Variants in CLOCK observed in about 807,000 individuals in gnomAD.
CLOCK encodes the protein circadian locomoter output cycles protein kaput.
Under a neutral mutation model 118.4 loss-of-function variants are expected in CLOCK, and 43 were observed. The ratio of observed to expected loss-of-function variants is 0.36; its 90% confidence interval spans 0.28 to 0.47. The LOEUF is 0.47. Among genes scored for constraint, CLOCK ranks in the 20% least tolerant of loss-of-function variants. The probability of loss-of-function intolerance (pLI) is 1.00; values close to 1 mark genes in which losing one functional copy is unlikely to be tolerated. For synonymous variants in CLOCK, 326 were observed against 339.2 expected, an observed-to-expected ratio of 0.96 and a Z score of 0.43; for missense variants, 846 against 999.9, an observed-to-expected ratio of 0.85 and a Z score of 2.08.
chr4:55,529,466 A>T (rs966666184), intron 1 of CLOCK, among the ~76,000 whole-genome samples: 1 of 152,194 alleles, frequency 6.6e-6, no homozygotes, highest in Non-Finnish European at 1.5e-5. Context: ...CACCCAGACC[A>T]AGACAAATAA....
intron 21 of CLOCK, among the ~76,000 whole-genome samples, chr4:55,441,046 C>T (rs2109670233): frequency 6.6e-6 from 1 of 152,322 alleles, no homozygotes; most frequent in Middle Eastern, 3.4e-3. Context: ...GTATTCATCA[C>T]CCCAAACAAT....
rs2109705809 is a variant in CLOCK at position 55,445,271 on chromosome 4, C to G, written c.1540-486G>C. Among the ~76,000 whole-genome samples the G allele has an allele frequency of 2.9e-5, 2 of 68,182 alleles. 1 individual carries two copies. The highest frequency in any genetic ancestry group is 1.3e-3 in the South Asian group (2 of 1,504). The allele number at this position is 68,182 out of a possible 152,430, so 44.7% of individuals were successfully genotyped here. ...GAAGGACATTTCTCACTTTTACATA[C>G]ACCTGCCCCGGCAGGTGGCTTTCCA... On this transcript the variant is annotated intron_variant, in intron 18 of 22. Coordinates refer to ENST00000513440, the MANE Select transcript of CLOCK (RefSeq NM_004898.4).
rs567167701 is a variant in CLOCK, at chr4:55,501,169, T to C, written c.-136+8743A>G. Among the ~76,000 whole-genome samples the C allele has an allele frequency of 1.5e-3, 233 of 152,296 alleles. 1 individual carries two copies. Among genetic ancestry groups the C allele is most frequent in the African/African-American group, 5.4e-3 (225 of 41,566 alleles). ...ACATCTGACCTCCAATGTTACTTAA[T>C]AGCTACAATTCTTCTAAAGATATGC... On this transcript the variant is annotated intron_variant, in intron 2 of 22. Coordinates refer to ENST00000513440, the MANE Select transcript of CLOCK (RefSeq NM_004898.4).
At chr4:55,529,695 T>C (rs923028094) in intron 1 of CLOCK, among the ~76,000 whole-genome samples, 2 of 152,238 alleles carry the variant, frequency 1.3e-5, no homozygotes, top group Non-Finnish European at 2.9e-5. Flanking sequence ...TAGGTATTAT[T>C]ATCCTCATTT....
chr4:55,543,452 A>T (rs1390586006), intron 1 of CLOCK, among the ~76,000 whole-genome samples: 2 of 152,110 alleles, frequency 1.3e-5, no homozygotes, highest in African/African-American at 2.4e-5. Flanking sequence ...ATATTTGCAA[A>T]TGCACAGAAA....
In CLOCK at chr4:55,519,858, G is replaced by T. The variant is rs1290970730; in HGVS notation, c.-289-9793C>A. On this transcript the variant is annotated intron_variant, in intron 1 of 22. Coordinates refer to ENST00000513440, the MANE Select transcript of CLOCK (RefSeq NM_004898.4). The stretch of plus-strand genomic sequence containing the variant: ...CACTGCACAGTCTTCAAGCAATGAT[G>T]ACAGGAGGGGTGGCAGGGGGTCTTT... Among the ~76,000 whole-genome samples, 3 of 152,090 alleles carry T rather than the reference G, an allele frequency of 2.0e-5. No homozygotes were observed. In the East Asian group the frequency reaches 5.8e-4, roughly 29 times the overall value.
chr4:55,479,799 T>C, intron 4 of CLOCK, 100 bp from the exon 5 acceptor site: 1 of 921,912 alleles, frequency 1.1e-6, no homozygotes, highest in Non-Finnish European at 1.8e-6. Context: ...ATGATTTTTG[T>C]AAAGTTAATG....
intron 1 of CLOCK, chr4:55,540,451 T>C (rs1356226385): frequency 1.3e-5 from 2 of 152,106 alleles, no homozygotes; most frequent in African/African-American, 4.8e-5. Flanking sequence ...AACCATATTT[T>C]AATACAAATG....
In CLOCK at chr4:55,453,015, G is replaced by C. The variant is rs372745916; in HGVS notation, c.1206+39C>G. 1,046 of 1,383,144 alleles carry C rather than the reference G, an allele frequency of 7.6e-4. 3 individuals are homozygous for C. The highest frequency in any genetic ancestry group is 9.3e-4 in the Non-Finnish European group (927 of 992,792). 85.7% of individuals were successfully genotyped at this position (1,383,144 alleles called of 1,614,324 possible). On this transcript the variant is annotated intron_variant, in intron 15 of 22. Coordinates refer to ENST00000513440, the MANE Select transcript of CLOCK (RefSeq NM_004898.4). ...ATTGAGTTTCATCTTTTATTGGGGAGAAATTAAAAATAATTTTTTTTAATT... is the reference window on the plus strand; with the variant it reads ...ATTGAGTTTCATCTTTTATTGGGGACAAATTAAAAATAATTTTTTTTAATT...
Position 55,498,142 on chromosome 4 carries a change from T to C in CLOCK, c.-135-8677A>G, listed in dbSNP as rs190757906. On this transcript the variant is annotated intron_variant, in intron 2 of 22. Transcript: ENST00000513440. ...ATACAACTAATATGTATAAATATAA[T>C]GACAATGTTTGACATATTATGTACT... is the stretch of plus-strand genomic sequence containing the variant. Among the ~76,000 whole-genome samples, 445 of 152,304 alleles carry C rather than the reference T, an allele frequency of 2.9e-3. 1 individual carries two copies. Among genetic ancestry groups the C allele is most frequent in the Non-Finnish European group, 4.8e-3 (326 of 68,026 alleles).
intron 1 of CLOCK, among the ~76,000 whole-genome samples, chr4:55,513,569 G>C (rs1729299799): frequency 6.6e-6 from 1 of 152,080 alleles, no homozygotes; most frequent in Admixed American, 6.6e-5. Flanking sequence ...AGTAAGTCTT[G>C]AAGTCAGGCA....
rs1028452261 is a variant in CLOCK, at chr4:55,489,413, A to C, written c.-83T>G. The stretch of plus-strand genomic sequence containing the variant: ...GGATCTTTTAAACTGATTCTTCAGG[A>C]AACTATAGGTTCAAGGTACTCTTCT... On this transcript the variant is annotated 5_prime_UTR_variant, in exon 3 of 23. Transcript: ENST00000513440. 4 of 152,188 alleles carry C rather than the reference A, an allele frequency of 2.6e-5. No homozygotes were observed. Among genetic ancestry groups the C allele is most frequent in the Non-Finnish European group, 5.9e-5 (4 of 68,024 alleles). 9.4% of individuals were successfully genotyped at this position (152,188 alleles called of 1,614,324 possible).
intron 1 of CLOCK, among the ~76,000 whole-genome samples, chr4:55,541,442 A>G (rs1352617164): frequency 6.6e-6 from 1 of 152,238 alleles, no homozygotes; most frequent in Non-Finnish European, 1.5e-5. Flanking sequence ...GTAAAAAACT[A>G]TAAGGAAACA....
At chr4:55,462,844 T>TTGTGTGTGTG (rs148360787) in intron 9 of CLOCK, among the ~76,000 whole-genome samples, 172 of 151,446 alleles carry the variant, frequency 1.1e-3, no homozygotes, top group East Asian at 3.7e-3. Context: ...ACACACAGAT[T>TTGTGTGTGTG]TGTGTGAGTG....
intron 1 of CLOCK, among the ~76,000 whole-genome samples, chr4:55,541,789 T>TA (rs1030535355): frequency 1.3e-4 from 20 of 151,824 alleles, no homozygotes; most frequent in African/African-American, 3.9e-4. Flanking sequence ...CGGGAAAGCT[T>TA]AAAAAAAACT....
chr4:55,493,397 G>A (rs1223313458), intron 2 of CLOCK, among the ~76,000 whole-genome samples: 1 of 152,054 alleles, frequency 6.6e-6, no homozygotes, highest in Non-Finnish European at 1.5e-5. Context: ...GGGAACTGAC[G>A]GATCTATTAA....
intron 2 of CLOCK, among the ~76,000 whole-genome samples, chr4:55,502,678 T>C (rs923361512): frequency 6.6e-6 from 1 of 152,170 alleles, no homozygotes; most frequent in African/African-American, 2.4e-5. Flanking sequence ...TTTGATAAAA[T>C]GGACTTCATT....
At chr4:55,480,050 A>G (rs1408173241) in intron 4 of CLOCK, among the ~76,000 whole-genome samples, 5 of 152,232 alleles carry the variant, frequency 3.3e-5, no homozygotes, top group East Asian at 1.9e-4. Context: ...ATTTTTAACT[A>G]TAACAGCATA....
chr4:55,494,935 T>C (rs1727957205), intron 2 of CLOCK, among the ~76,000 whole-genome samples: 1 of 152,178 alleles, frequency 6.6e-6, no homozygotes, highest in Admixed American at 6.5e-5. Flanking sequence ...AACAATAAAT[T>C]TGTATTGTCT....
Sources: gnomAD v4.1 joint callset for allele counts (sites outside exome capture counted in the v4.1 genomes callset) on GRCh38, gnomAD v4.1.1 for gene constraint, MANE v1.5 for transcripts, NCBI Gene and HGNC (gene_info 2026-07-23, HGNC 2026-07-21) for gene names.